The following RPS6KA2 variants were observed in gnomAD, a reference collection of about 807,000 sequenced individuals.
The protein encoded by RPS6KA2 is ribosomal protein S6 kinase alpha-2.
RPS6KA2 carries 42 observed loss-of-function variants against 91.8 expected under a neutral mutation model. That is an observed-to-expected ratio of 0.46 (90% confidence interval 0.36 to 0.59). The LOEUF (loss-of-function observed/expected upper bound fraction) is 0.59, where lower values mean the gene tolerates loss of function less well. Among genes scored for constraint, RPS6KA2 ranks in the 20% least tolerant of loss-of-function variants. The probability of loss-of-function intolerance (pLI) is 0.00; values close to 1 mark genes in which losing one functional copy is unlikely to be tolerated. For missense variants in RPS6KA2, 798 were observed against 978.5 expected, an observed-to-expected ratio of 0.82 and a Z score of 2.46; for synonymous variants, 414 against 393.6, an observed-to-expected ratio of 1.05 and a Z score of -0.61.
intron 2 of RPS6KA2, among the ~76,000 whole-genome samples, chr6:166,719,733 T>G (rs1164437721): frequency 6.6e-6 from 1 of 152,242 alleles, no homozygotes; most frequent in Non-Finnish European, 1.5e-5. Flanking sequence ...TCAATCTCAC[T>G]AGTTTCAGAC....
chr6:166,480,513 A>G (rs1454769339), intron 10 of RPS6KA2, among the ~76,000 whole-genome samples: 11 of 96,510 alleles, frequency 1.1e-4, no homozygotes, highest in South Asian at 3.6e-4. Flanking sequence ...ATATATATAT[A>G]TAATATATTT....
chr6:166,686,889 C>T (rs926389), intron 2 of RPS6KA2, among the ~76,000 whole-genome samples: 55,755 of 152,086 alleles, frequency 0.37, 12,601 homozygotes, highest in African/African-American at 0.64. Flanking sequence ...AGCACCACCA[C>T]TTCCTTCACC....
chr6:166,595,765 G>C (rs949873153), intron 1 of RPS6KA2, among the ~76,000 whole-genome samples: 2 of 152,196 alleles, frequency 1.3e-5, no homozygotes, highest in African/African-American at 4.8e-5. Flanking sequence ...AAGGAAGACA[G>C]GCAGAAAGAT....
chr6:166,778,376 A>G (rs956056496), intron 2 of RPS6KA2, among the ~76,000 whole-genome samples: 14 of 152,204 alleles, frequency 9.2e-5, no homozygotes, highest in African/African-American at 3.4e-4. Context: ...CCAAACCACA[A>G]TGTTCAAAAG....
At chr6:166,453,886 C>A (rs1329015480) in intron 12 of RPS6KA2, among the ~76,000 whole-genome samples, 2 of 152,184 alleles carry the variant, frequency 1.3e-5, no homozygotes, top group African/African-American at 4.8e-5. Flanking sequence ...AGAATGAAAT[C>A]ATGTCTTTTG....
At chr6:166,455,672 G>C (rs1039798989) in intron 12 of RPS6KA2, among the ~76,000 whole-genome samples, 6 of 152,348 alleles carry the variant, frequency 3.9e-5, no homozygotes, top group Admixed American at 2.6e-4. Flanking sequence ...AGAGAAGCTC[G>C]GGGCTTTCTG....
At chr6:166,470,837 C>G (rs1265223370) in intron 10 of RPS6KA2, among the ~76,000 whole-genome samples, 3 of 152,194 alleles carry the variant, frequency 2.0e-5, no homozygotes, top group South Asian at 2.1e-4. Flanking sequence ...TAAAACTGTT[C>G]TGAACACAAA....
At chr6:166,551,572 A>G (rs570776935) in intron 1 of RPS6KA2, among the ~76,000 whole-genome samples, 1 of 152,366 alleles carries the variant, frequency 6.6e-6, no homozygotes, top group African/African-American at 2.4e-5. Flanking sequence ...AACTGTTGAA[A>G]AGATGAAACT....
chr6:166,779,468 G>C (rs926692429), intron 2 of RPS6KA2, among the ~76,000 whole-genome samples: 1 of 152,178 alleles, frequency 6.6e-6, no homozygotes. Context: ...AGATGACTGA[G>C]ACATTGGAGG....
chr6:166,523,150 C>T lies in RPS6KA2; in HGVS notation c.298+8082G>A, dbSNP rs569117555. On this transcript the variant is annotated intron_variant, in intron 3 of 20. Coordinates refer to ENST00000265678, the MANE Select transcript of RPS6KA2 (RefSeq NM_021135.6). ...CATAGAGGACTCCACCATACAGAGG[C>T]GGGTGTATCTGTAATAAATCAGATG... 4.6e-5 allele frequency among the ~76,000 whole-genome samples: 7 copies of T among 152,230 alleles called. No individual in the cohort carries two copies. The East Asian group carries it at 7.7e-4, about 17-fold the overall frequency.
At chr6:166,674,726 T>C (rs1471143695) in intron 2 of RPS6KA2, among the ~76,000 whole-genome samples, 3 of 152,200 alleles carry the variant, frequency 2.0e-5, no homozygotes, top group Non-Finnish European at 4.4e-5. Context: ...TGGAGTGCAA[T>C]GGTGCAATCT....
chr6:166,616,540 T>C (rs1786420077), intron 1 of RPS6KA2, among the ~76,000 whole-genome samples: 1 of 152,200 alleles, frequency 6.6e-6, no homozygotes, highest in South Asian at 2.1e-4. Flanking sequence ...TGGCGCACCT[T>C]CTACAGCCTA....
At chr6:166,837,750 A>T (rs1267239906) in intron 2 of RPS6KA2, among the ~76,000 whole-genome samples, 2 of 152,162 alleles carry the variant, frequency 1.3e-5, no homozygotes, top group Non-Finnish European at 2.9e-5. Flanking sequence ...GCTCCCGATA[A>T]GTTCAGGGAA....
chr6:166,848,337 G>T (rs926059987), intron 2 of RPS6KA2, among the ~76,000 whole-genome samples: 24 of 152,312 alleles, frequency 1.6e-4, no homozygotes, highest in African/African-American at 5.8e-4. Context: ...CAACCACTAT[G>T]GAAAACAGTG....
intron 2 of RPS6KA2, among the ~76,000 whole-genome samples, chr6:166,738,170 T>C (rs1790720839): frequency 6.6e-6 from 1 of 152,244 alleles, no homozygotes; most frequent in Admixed American, 6.5e-5. Flanking sequence ...TGTATGAATG[T>C]ACACATAGGT....
At chr6:166,527,631 C>G (rs187886924) in intron 3 of RPS6KA2, among the ~76,000 whole-genome samples, 16 of 152,168 alleles carry the variant, frequency 1.1e-4, no homozygotes, top group Non-Finnish European at 8.8e-5. Flanking sequence ...AGGATATTCA[C>G]AGAGTTGTGT....
At chr6:166,536,928 A>G (rs1454027026) in intron 2 of RPS6KA2, among the ~76,000 whole-genome samples, 2 of 152,278 alleles carry the variant, frequency 1.3e-5, no homozygotes, top group Non-Finnish European at 1.5e-5. Flanking sequence ...GCCAAACACC[A>G]TGATTTCACT....
intron 2 of RPS6KA2, among the ~76,000 whole-genome samples, chr6:166,739,251 TATTCC>T (rs1310168126): frequency 6.6e-6 from 1 of 152,270 alleles, no homozygotes; most frequent in African/African-American, 2.4e-5. Context: ...CTCATGGTGC[TATTCC>T]ATATGTAAAT....
chr6:166,412,786 C>G lies in RPS6KA2; in HGVS notation c.2178G>C (p.Lys726Asn). The G allele has an allele frequency of 6.3e-7, 1 of 1,597,502 alleles. No individual in the cohort carries two copies. Residue 726 changes from lysine to asparagine, a missense_variant, in exon 21 of 21, where the codon AAG becomes AAC. By Grantham distance (94) the Lys-to-Asn change is moderately conservative. Coordinates refer to ENST00000265678, the MANE Select transcript of RPS6KA2 (RefSeq NM_021135.6). The surrounding 1 kb of genome is among the most constrained non-coding windows in gnomAD (Gnocchi z 4.3). ...SSNLAQRRGM[K>N]RLTSTRL Reference sequence around the variant, plus strand: ...GCTACAGCCGCGTGGACGTGAGTCTCTTCATGCCTCTGCGCTGAGCCAGGT... The same window carrying G: ...GCTACAGCCGCGTGGACGTGAGTCTGTTCATGCCTCTGCGCTGAGCCAGGT...
Sources: allele counts gnomAD v4.1 joint callset (sites outside exome capture counted in the v4.1 genomes callset), GRCh38; gene constraint gnomAD v4.1.1; non-coding constraint Gnocchi (gnomAD v3.1); transcripts MANE v1.5; gene names NCBI Gene and HGNC (gene_info 2026-07-23, HGNC 2026-07-21).